The following RGS7 variants were observed in gnomAD, a reference collection of about 807,000 sequenced individuals.
RGS7 encodes the protein regulator of G protein signaling 7.
A neutral mutation model predicts 81.1 loss-of-function variants in RGS7; 27 were observed. The ratio of observed to expected loss-of-function variants is 0.33; its 90% CI spans 0.25 to 0.46. RGS7 has a LOEUF of 0.46. Among genes scored for constraint, RGS7 ranks in the 20% least tolerant of loss-of-function variants. The pLI is 1.00. For synonymous variants in RGS7, 208 were observed against 207.7 expected (o/e 1.00, Z -0.01); for missense variants, 396 against 607.4 (o/e 0.65, Z 3.66).
intron 6 of RGS7, among the ~76,000 whole-genome samples, chr1:240,908,389 A>G (rs1250925720): frequency 1.3e-5 from 2 of 152,208 alleles, no homozygotes; most frequent in Non-Finnish European, 1.5e-5. Flanking sequence ...TTTCAATGAA[A>G]CAAATGCACT....
intron 2 of RGS7, among the ~76,000 whole-genome samples, chr1:241,203,756 A>G (rs1008333645): frequency 6.6e-6 from 1 of 152,196 alleles, no homozygotes; most frequent in Non-Finnish European, 1.5e-5. Flanking sequence ...TCAATTTTTA[A>G]AAATTAAAAT....
intron 2 of RGS7, among the ~76,000 whole-genome samples, chr1:241,249,419 T>C (rs567566880): frequency 6.6e-6 from 1 of 152,276 alleles, no homozygotes; most frequent in South Asian, 2.1e-4. Context: ...TAGACTACTG[T>C]TCCCTTGAAA....
intron 18 of RGS7, among the ~76,000 whole-genome samples, chr1:240,796,989 G>A (rs1164694234): frequency 6.6e-6 from 1 of 152,144 alleles, no homozygotes; most frequent in African/African-American, 2.4e-5. Flanking sequence ...GACTCCCTGG[G>A]TGTTCAACAT....
In RGS7 at chr1:240,893,301, A is replaced by C. The variant is rs184933737; in HGVS notation, c.386-23182T>G. The stretch of plus-strand genomic sequence containing the variant: ...TGATTAACTTATCCATTGCATTATT[A>C]AGATAAATCCATTAATAATGAATAG... On this transcript the variant is annotated intron_variant, in intron 6 of 18. Coordinates refer to ENST00000440928, the MANE Select transcript of RGS7 (RefSeq NM_001364886.1). Among the ~76,000 whole-genome samples the C allele has an allele frequency of 2.1e-3, 314 of 152,318 alleles. 1 individual carries two copies. Among genetic ancestry groups the C allele is most frequent in the Non-Finnish European group, 3.3e-3 (225 of 68,028 alleles).
chr1:241,135,781 T>G (rs1174161130), intron 2 of RGS7, among the ~76,000 whole-genome samples: 2 of 151,950 alleles, frequency 1.3e-5, no homozygotes, highest in African/African-American at 4.8e-5. Flanking sequence ...GTCAGTGGCC[T>G]TTTTTTATTA....
rs530175206 is a variant in RGS7 at position 241,253,165 on chromosome 1, GT to G, written c.78+102533del. Among the ~76,000 whole-genome samples the G allele has an allele frequency of 9.7e-4, 147 of 152,312 alleles. 1 individual carries two copies. The highest frequency in any genetic ancestry group is 3.4e-3 in the Middle Eastern group (1 of 294). ...AGAATTTATGAAGACACATAATACTGTTGACAGATTGGATGAGAACCATTAT... is the reference window on the plus strand; with the variant it reads ...AGAATTTATGAAGACACATAATACTGTGACAGATTGGATGAGAACCATTAT... On this transcript the variant is annotated intron_variant, in intron 2 of 18. Transcript: ENST00000440928.
intron 3 of RGS7, among the ~76,000 whole-genome samples, chr1:241,037,065 T>C (rs1484721943): frequency 1.3e-5 from 2 of 152,234 alleles, no homozygotes; most frequent in African/African-American, 4.8e-5. Context: ...TAAATCATTA[T>C]GATTTGAGGA....
At chr1:241,291,109 A>G (rs2079064929) in intron 2 of RGS7, among the ~76,000 whole-genome samples, 1 of 152,354 alleles carries the variant, frequency 6.6e-6, no homozygotes, top group East Asian at 1.9e-4. Flanking sequence ...TAGACTGGTA[A>G]AGAGGATAAA....
rs1192043533 is a variant in RGS7, at chr1:241,346,966, C to T, written c.78+8733G>A. Among the ~76,000 whole-genome samples, 3 of 152,194 alleles carry T rather than the reference C, an allele frequency of 2.0e-5. No individual in the cohort carries two copies. In the East Asian group the frequency reaches 5.8e-4, roughly 29 times the overall value. On this transcript the variant is annotated intron_variant, in intron 2 of 18. Coordinates refer to ENST00000440928, the MANE Select transcript of RGS7 (RefSeq NM_001364886.1). ...TGTTAATAGCCATATTAGTATGAATCTATTCTCTCTACATGGTACCAAATT... is the reference window on the plus strand; with the variant it reads ...TGTTAATAGCCATATTAGTATGAATTTATTCTCTCTACATGGTACCAAATT...
At chr1:240,934,976 T>A (rs1167183744) in intron 5 of RGS7, among the ~76,000 whole-genome samples, 1 of 139,462 alleles carries the variant, frequency 7.2e-6, no homozygotes, top group Non-Finnish European at 1.5e-5. Context: ...GCAACCTCCA[T>A]CTCCCAGGTT....
chr1:240,867,658 G>A (rs768663627), intron 9 of RGS7, among the ~76,000 whole-genome samples: 37 of 152,178 alleles, frequency 2.4e-4, no homozygotes, highest in Non-Finnish European at 4.6e-4. Flanking sequence ...CACAGGAAAT[G>A]AAAGTCTGTG....
chr1:240,919,544 A>G (rs1210754196), intron 6 of RGS7: 2 of 194,134 alleles, frequency 1.0e-5, no homozygotes, highest in African/African-American at 2.4e-5. Context: ...AAAAACCCTT[A>G]GCAAACTAGA....
intron 2 of RGS7, among the ~76,000 whole-genome samples, chr1:241,195,564 T>A (rs2073007204): frequency 6.6e-6 from 1 of 152,158 alleles, no homozygotes; most frequent in Admixed American, 6.5e-5. Flanking sequence ...CCATGAGAAA[T>A]GCAGTTGTTG....
At chr1:240,825,595 T>A (rs1692661654) in intron 10 of RGS7, among the ~76,000 whole-genome samples, 1 of 152,200 alleles carries the variant, frequency 6.6e-6, no homozygotes, top group Non-Finnish European at 1.5e-5. Flanking sequence ...TGTTACTGAT[T>A]CACAAGAAAT....
At chr1:241,104,274 A>G (rs2064963353) in intron 2 of RGS7, among the ~76,000 whole-genome samples, 1 of 152,178 alleles carries the variant, frequency 6.6e-6, no homozygotes, top group Admixed American at 6.5e-5. Flanking sequence ...CAGCCGGCAA[A>G]GATGCTGTAG....
chr1:241,179,773 T>C (rs185248220), intron 2 of RGS7, among the ~76,000 whole-genome samples: 1 of 152,262 alleles, frequency 6.6e-6, no homozygotes, highest in African/African-American at 2.4e-5. Flanking sequence ...TTCCAAGAAA[T>C]AGTTTACCAA....
At position 241,038,195 on chromosome 1, in the gene RGS7, G is replaced by A. The variant is rs557756034; in HGVS notation, c.176-55066C>T. Among the ~76,000 whole-genome samples the A allele has an allele frequency of 4.6e-5, 7 of 152,206 alleles. No homozygotes were observed. In the South Asian group the frequency reaches 6.2e-4, roughly 14 times the overall value. On this transcript the variant is annotated intron_variant, in intron 3 of 18. Coordinates refer to ENST00000440928, the MANE Select transcript of RGS7 (RefSeq NM_001364886.1). Reference sequence around the variant, plus strand: ...GTTATTGCCATAAAAATAGATAAACGAAAAATAAAGATGTTCTTAGGAAAG... The same window carrying A: ...GTTATTGCCATAAAAATAGATAAACAAAAAATAAAGATGTTCTTAGGAAAG...
At chr1:241,084,980 C>T (rs1032104110) in intron 3 of RGS7, among the ~76,000 whole-genome samples, 1 of 152,186 alleles carries the variant, frequency 6.6e-6, no homozygotes, top group African/African-American at 2.4e-5. Flanking sequence ...TTAATAGGGG[C>T]CTTTTTATTT....
At chr1:241,026,144 G>A (rs58291878) in intron 3 of RGS7, among the ~76,000 whole-genome samples, 7,913 of 152,236 alleles carry the variant, frequency 0.052, 257 homozygotes, top group African/African-American at 0.095. Context: ...AGCTCTGCAT[G>A]GTCAGCAACT....
Sources: gnomAD v4.1 joint callset for allele counts (sites outside exome capture counted in the v4.1 genomes callset) on GRCh38, gnomAD v4.1.1 for gene constraint, MANE v1.5 for transcripts, NCBI Gene and HGNC (gene_info 2026-07-23, HGNC 2026-07-21) for gene names.